Variants in R3HCC1L observed in about 807,000 individuals in gnomAD.
The protein encoded by R3HCC1L is coiled-coil domain-containing protein R3HCC1L.
Under a neutral mutation model 59.9 loss-of-function variants are expected in R3HCC1L, and 51 were observed. The ratio of observed to expected loss-of-function variants is 0.85; its 90% CI spans 0.68 to 1.07. The LOEUF (loss-of-function observed/expected upper bound fraction) is 1.07. Among genes scored for constraint, R3HCC1L ranks in the 50% least tolerant of loss-of-function variants. R3HCC1L has a pLI of 0.00. For synonymous variants in R3HCC1L, 322 were observed against 315.2 expected, an observed-to-expected ratio of 1.02 and a Z score of -0.23; for missense variants, 965 against 933.0, an observed-to-expected ratio of 1.03 and a Z score of -0.45.
intron 4 of R3HCC1L, among the ~76,000 whole-genome samples, chr10:98,175,316 T>G (rs1564648278): frequency 6.6e-6 from 1 of 152,160 alleles, no homozygotes; most frequent in East Asian, 1.9e-4. Flanking sequence ...TTTTTTTCAT[T>G]AAAAAACTTA....
At chr10:98,174,574 C>A (rs1848812190) in intron 4 of R3HCC1L, 1 of 972,224 alleles carries the variant, frequency 1.0e-6, no homozygotes, top group Non-Finnish European at 1.2e-6. Context: ...GATATAACAA[C>A]AATGAGATGT....
chr10:98,238,346 T>C (rs1427984984), intron 9 of R3HCC1L, among the ~76,000 whole-genome samples: 1 of 152,238 alleles, frequency 6.6e-6, no homozygotes, highest in Non-Finnish European at 1.5e-5. Flanking sequence ...TTCCTCTCCT[T>C]AAGCCTTACA....
At chr10:98,197,147 ACCATGTTGG>A (rs1851523257) in intron 4 of R3HCC1L, among the ~76,000 whole-genome samples, 1 of 151,984 alleles carries the variant, frequency 6.6e-6, no homozygotes, top group Non-Finnish European at 1.5e-5. Flanking sequence ...CAGAGGTTTC[ACCATGTTGG>A]CCTGGCTGGC....
intron 4 of R3HCC1L, among the ~76,000 whole-genome samples, chr10:98,189,012 A>T (rs1041050302): frequency 3.3e-5 from 5 of 152,178 alleles, no homozygotes; most frequent in African/African-American, 1.2e-4. Flanking sequence ...AGCAAATAAG[A>T]TCTGATAAGT....
chr10:98,195,510 A>G (rs989802623), intron 4 of R3HCC1L, among the ~76,000 whole-genome samples: 12 of 151,850 alleles, frequency 7.9e-5, no homozygotes, highest in African/African-American at 2.7e-4. Context: ...AAAATGTTAC[A>G]GTGGTTTTCT....
At chr10:98,145,664 C>T (rs1845579366) in intron 1 of R3HCC1L, among the ~76,000 whole-genome samples, 1 of 152,056 alleles carries the variant, frequency 6.6e-6, no homozygotes, top group African/African-American at 2.4e-5. Flanking sequence ...ATAAGAAAAC[C>T]ATTCTCGCTG....
At chr10:98,204,130 C>G (rs1407147915) in intron 4 of R3HCC1L, among the ~76,000 whole-genome samples, 1 of 152,164 alleles carries the variant, frequency 6.6e-6, no homozygotes, top group East Asian at 1.9e-4. Flanking sequence ...AATAATCGGC[C>G]CAGCACGGTG....
At chr10:98,206,290 T>C (rs1460448969) in intron 4 of R3HCC1L, among the ~76,000 whole-genome samples, 1 of 150,656 alleles carries the variant, frequency 6.6e-6, no homozygotes, top group African/African-American at 2.4e-5. Flanking sequence ...ATGCAAATTA[T>C]ACAGAAGTCA....
At chr10:98,143,453 G>A (rs557997811) in intron 1 of R3HCC1L, among the ~76,000 whole-genome samples, 1 of 152,218 alleles carries the variant, frequency 6.6e-6, no homozygotes, top group Admixed American at 6.5e-5. Flanking sequence ...TGTAGTTCTT[G>A]GTTTTTTCCT....
chr10:98,199,234 T>C (rs1851777494), intron 4 of R3HCC1L, among the ~76,000 whole-genome samples: 1 of 152,090 alleles, frequency 6.6e-6, no homozygotes, highest in African/African-American at 2.4e-5. Flanking sequence ...AGAGTATCTT[T>C]CCAACATCGA....
chr10:98,173,573 A>C (rs1761981047), intron 4 of R3HCC1L, among the ~76,000 whole-genome samples: 1 of 152,142 alleles, frequency 6.6e-6, no homozygotes, highest in Non-Finnish European at 1.5e-5. Context: ...TAATGGGCCC[A>C]GGGGCTGTCC....
At position 98,156,090 on chromosome 10, in the gene R3HCC1L, T is replaced by C. The variant is rs751747113; in HGVS notation, c.-267-3T>C. 2 of 151,986 alleles carry C rather than the reference T, an allele frequency of 1.3e-5. No homozygotes were observed. The highest frequency in any genetic ancestry group is 2.9e-5 in the Non-Finnish European group (2 of 67,996). 9.4% of individuals were successfully genotyped at this position (151,986 alleles called of 1,614,324 possible). A position where few individuals can be genotyped will look rare whatever the true frequency, so the allele number is the denominator to read the frequency against. The stretch of plus-strand genomic sequence containing the variant: ...TTTTAATTCTTGGAAATTTCTCTTC[T>C]AGAGACTTCCAGTGTCCTACTATTG... On this transcript the variant is annotated splice_polypyrimidine_tract_variant and splice_region_variant and intron_variant, in intron 1 of 9. Transcript: ENST00000298999.
intron 1 of R3HCC1L, among the ~76,000 whole-genome samples, chr10:98,154,182 C>CAAAAAAAAAA (rs61379048): frequency 2.7e-4 from 25 of 92,818 alleles, no homozygotes; most frequent in Non-Finnish European, 3.6e-4. Context: ...AGAGAATAAG[C>CAAAAAAAAAA]AAAAAAAAAA....
At chr10:98,154,228 A>G (rs192300792) in intron 1 of R3HCC1L, among the ~76,000 whole-genome samples, 1 of 149,804 alleles carries the variant, frequency 6.7e-6, no homozygotes, top group Admixed American at 6.6e-5. Context: ...AGTGAGTAAT[A>G]GTAAGGCAGT....
At position 98,208,086 on chromosome 10, in the gene R3HCC1L, ATTC is replaced by A. The variant is rs774302881; in HGVS notation, c.-14-10_-14-8del. 8.9e-6 allele frequency: 14 copies of A among 1,567,802 alleles called. No individual in the cohort carries two copies. The East Asian group carries it at 2.9e-4, about 33-fold the overall frequency. On this transcript the variant is annotated splice_polypyrimidine_tract_variant and intron_variant, in intron 4 of 9. Coordinates refer to ENST00000298999, the MANE Select transcript of R3HCC1L (RefSeq NM_001351015.2). The stretch of plus-strand genomic sequence containing the variant: ...GTAATTAGTGTCTAATAATTAAATC[ATTC>A]TTCTCTTGCAGATTGTGGTGGTGCC...
At chr10:98,136,575 C>T (rs1369812052) in intron 1 of R3HCC1L, among the ~76,000 whole-genome samples, 1 of 152,148 alleles carries the variant, frequency 6.6e-6, no homozygotes, top group African/African-American at 2.4e-5. Context: ...GTGCCTCACG[C>T]CTGTAATCCT....
chr10:98,166,514 T>A (rs7071239), intron 4 of R3HCC1L, among the ~76,000 whole-genome samples: 74,749 of 151,942 alleles, frequency 0.49, 18,710 homozygotes, highest in African/African-American at 0.59. Flanking sequence ...TCTGAACTTC[T>A]AAATCTGTTT....
rs1036993316 is a variant in R3HCC1L at position 98,235,311 on chromosome 10, T to C, written c.2033-114T>C. 3.5e-6 allele frequency: 3 copies of C among 858,856 alleles called. No homozygotes were observed. The African/African-American group carries it at 5.2e-5, about 15-fold the overall frequency. The allele number at this position is 858,856 out of a possible 1,614,324, so 53.2% of individuals were successfully genotyped here. On this transcript the variant is annotated intron_variant, in intron 7 of 9. Coordinates refer to ENST00000298999, the MANE Select transcript of R3HCC1L (RefSeq NM_001351015.2). ...ACGTTGATCTTTAGATCTGTCTCTT[T>C]TGCTTGCTTTGAAAAAAAAGCATAA...
chr10:98,230,324 C>T (rs1267352170), intron 5 of R3HCC1L, among the ~76,000 whole-genome samples: 1 of 152,104 alleles, frequency 6.6e-6, no homozygotes, highest in Non-Finnish European at 1.5e-5. Flanking sequence ...GTGTATGTGT[C>T]GAGGAATTTA....
Sources: allele counts gnomAD v4.1 joint callset (sites outside exome capture counted in the v4.1 genomes callset), GRCh38; gene constraint gnomAD v4.1.1; transcripts MANE v1.5; gene names NCBI Gene and HGNC (gene_info 2026-07-23, HGNC 2026-07-21).